The following ULK4 variants were observed in gnomAD, a reference collection of about 807,000 sequenced individuals.
The protein encoded by ULK4 is unc-51 like kinase 4.
In ULK4, 133 loss-of-function variants were observed where a neutral mutation model predicts 160.6. That is an observed-to-expected ratio of 0.83 (90% CI 0.72 to 0.96). ULK4 has a LOEUF of 0.96. Among genes scored for constraint, ULK4 ranks in the 40% least tolerant of loss-of-function variants. ULK4 has a pLI of 0.00. For synonymous variants in ULK4, 534 were observed against 539.8 expected, an observed-to-expected ratio of 0.99 and a Z score of 0.15; for missense variants, 1,580 against 1,499.5, an observed-to-expected ratio of 1.05 and a Z score of -0.89.
chr3:41,526,152 G>C (rs563843554), intron 32 of ULK4, among the ~76,000 whole-genome samples: 1 of 151,840 alleles, frequency 6.6e-6, no homozygotes, highest in Admixed American at 6.6e-5. Flanking sequence ...TAGAGTGAGT[G>C]TGTTTGCATC....
chr3:41,889,445 G>A (rs1294679092), intron 16 of ULK4, among the ~76,000 whole-genome samples: 1 of 152,138 alleles, frequency 6.6e-6, no homozygotes, highest in Non-Finnish European at 1.5e-5. Flanking sequence ...TACCAAGCTT[G>A]AGAGCTCAAA....
intron 31 of ULK4, among the ~76,000 whole-genome samples, chr3:41,574,365 G>C (rs968654237): frequency 2.6e-5 from 4 of 151,782 alleles, no homozygotes; most frequent in African/African-American, 9.7e-5. Flanking sequence ...CATCTAGTCA[G>C]CCACAAAGTA....
At chr3:41,369,667 G>A (rs1034426002) in intron 35 of ULK4, among the ~76,000 whole-genome samples, 9 of 151,502 alleles carry the variant, frequency 5.9e-5, no homozygotes, top group Non-Finnish European at 7.4e-5. Flanking sequence ...GGTGGTGGCC[G>A]CCTGTAATGC....
chr3:41,468,995 C>T (rs1417587864), intron 32 of ULK4, among the ~76,000 whole-genome samples: 1 of 152,128 alleles, frequency 6.6e-6, no homozygotes, highest in Admixed American at 6.5e-5. Flanking sequence ...AGCTAATAGC[C>T]CATCCAACTT....
chr3:41,903,183 G>A (rs1698433241), intron 12 of ULK4, among the ~76,000 whole-genome samples: 2 of 152,204 alleles, frequency 1.3e-5, no homozygotes, highest in Admixed American at 1.3e-4. Context: ...GGTCCGTAAA[G>A]TAAGACATCA....
intron 34 of ULK4, among the ~76,000 whole-genome samples, chr3:41,447,226 A>G (rs1036279123): frequency 6.6e-6 from 1 of 151,830 alleles, no homozygotes; most frequent in African/African-American, 2.4e-5. Flanking sequence ...TCTCTCGCCT[A>G]TCGGTCTGTC....
chr3:41,739,713 C>G (rs906321956), intron 22 of ULK4, among the ~76,000 whole-genome samples: 1 of 151,912 alleles, frequency 6.6e-6, no homozygotes, highest in Non-Finnish European at 1.5e-5. Flanking sequence ...GACAAGATGA[C>G]ATGTTTCTCC....
At chr3:41,693,348 T>C (rs1222678702) in intron 27 of ULK4, among the ~76,000 whole-genome samples, 1 of 152,224 alleles carries the variant, frequency 6.6e-6, no homozygotes. Context: ...AATCGCAATT[T>C]ACCCTGAAGA....
chr3:41,952,868 G>A (rs189753733), intron 2 of ULK4, among the ~76,000 whole-genome samples: 2 of 152,226 alleles, frequency 1.3e-5, no homozygotes, highest in Admixed American at 1.3e-4. Flanking sequence ...AATGAAATAT[G>A]ATTCAGTCTT....
chr3:41,645,716 T>G (rs2034456484), intron 30 of ULK4, among the ~76,000 whole-genome samples: 1 of 152,174 alleles, frequency 6.6e-6, no homozygotes, highest in Admixed American at 6.5e-5. Flanking sequence ...GTCTGCTTGG[T>G]GCAGAGCTGA....
chr3:41,938,104 A>T lies in ULK4; in HGVS notation c.232T>A (p.Cys78Ser), dbSNP rs1238574727. The T allele has an allele frequency of 6.2e-7, 1 of 1,610,896 alleles. No individual in the cohort carries two copies. Among genetic ancestry groups the T allele is most frequent in the South Asian group, 1.1e-5 (1 of 90,738 alleles). The change falls in exon 3 of 37, where the codon TGC becomes AGC. Residue 78 changes from cysteine to serine, a missense_variant. Cys to Ser is a moderately radical substitution (Grantham distance 112, BLOSUM62 -1). Transcript: ENST00000301831. The stretch of plus-strand genomic sequence containing the variant: ...TTTACATACTCTTTCTTACCTGTGC[A>T]GAGTTCCACCACTAGCCAGAGGTGG... The part of the protein sequence containing the change: ...SNHLWLVVEL[C>S]TGGSLKTVIA...
Position 41,373,145 on chromosome 3 carries a change from A to C in ULK4, c.3678+24934T>G, listed in dbSNP as rs146254241. Among the ~76,000 whole-genome samples, 443 of 152,264 alleles carry C rather than the reference A, an allele frequency of 2.9e-3. 2 individuals are homozygous for C. Among genetic ancestry groups the C allele is most frequent in the East Asian group, 0.015 (78 of 5,184 alleles). ...AGCACCCAGATTCATAAAGCGAGTT[A>C]TTAGAGACCTACAAAGAGACTTAGA... On this transcript the variant is annotated intron_variant, in intron 35 of 36. Transcript: ENST00000301831.
intron 17 of ULK4, among the ~76,000 whole-genome samples, chr3:41,861,535 T>C (rs2042496630): frequency 1.3e-5 from 2 of 152,164 alleles, no homozygotes; most frequent in Non-Finnish European, 2.9e-5. Flanking sequence ...CTCCATTTTA[T>C]GTTATTTCTT....
intron 35 of ULK4, chr3:41,258,394 G>A (rs919716989): frequency 6.6e-6 from 1 of 152,138 alleles, no homozygotes; most frequent in Non-Finnish European, 1.5e-5. Flanking sequence ...AGAGACTATT[G>A]GTGAACTTAT....
At chr3:41,537,060 T>G (rs1475231191) in intron 32 of ULK4, among the ~76,000 whole-genome samples, 1 of 152,172 alleles carries the variant, frequency 6.6e-6, no homozygotes, top group Non-Finnish European at 1.5e-5. Context: ...TACATCTTCT[T>G]CCTCATCATC....
intron 32 of ULK4, among the ~76,000 whole-genome samples, chr3:41,520,095 G>C (rs535222269): frequency 1.3e-5 from 2 of 152,228 alleles, no homozygotes; most frequent in Non-Finnish European, 2.9e-5. Flanking sequence ...TATTTTTTAA[G>C]TATATAATTC....
intron 32 of ULK4, among the ~76,000 whole-genome samples, chr3:41,531,828 T>C (rs2086330948): frequency 1.3e-5 from 2 of 152,226 alleles, no homozygotes; most frequent in South Asian, 4.1e-4. Context: ...AGGTGGAGTA[T>C]GCTGCCTTGT....
intron 18 of ULK4, among the ~76,000 whole-genome samples, chr3:41,833,665 C>G (rs991891552): frequency 1.3e-5 from 2 of 152,042 alleles, no homozygotes; most frequent in African/African-American, 4.8e-5. Context: ...TGCTTGTCTA[C>G]TGTTGATGTA....
intron 32 of ULK4, among the ~76,000 whole-genome samples, chr3:41,521,130 C>T (rs1382206841): frequency 6.6e-6 from 1 of 152,074 alleles, no homozygotes; most frequent in East Asian, 1.9e-4. Context: ...AGAAAAACAC[C>T]CACTGACCAG....
Sources: gnomAD v4.1 joint callset for allele counts (sites outside exome capture counted in the v4.1 genomes callset) on GRCh38, gnomAD v4.1.1 for gene constraint, MANE v1.5 for transcripts, NCBI Gene and HGNC (gene_info 2026-07-23, HGNC 2026-07-21) for gene names.